UNC13C: variants seen among roughly 807,000 people sequenced by gnomAD.
The protein encoded by UNC13C is unc-13 homolog C, also known as protein unc-13 homolog C.
In UNC13C, 174 loss-of-function variants were observed where a neutral mutation model predicts 245.4. The observed-to-expected ratio is 0.71, with a 90% CI of 0.63 to 0.80. The LOEUF (loss-of-function observed/expected upper bound fraction) is 0.80, where lower values mean the gene tolerates loss of function less well. Among genes scored for constraint, UNC13C ranks in the 30% least tolerant of loss-of-function variants. The pLI, the probability that UNC13C is intolerant of heterozygous loss-of-function variation, is 0.00. For synonymous variants in UNC13C, 992 were observed against 895.1 expected, an observed-to-expected ratio of 1.11 and a Z score of -1.93; for missense variants, 2,829 against 2,602.9, an observed-to-expected ratio of 1.09 and a Z score of -1.89.
chr15:53,973,305 A>G (rs76232315), upstream of UNC13C, among the ~76,000 whole-genome samples: 2,749 of 152,280 alleles, frequency 0.018, 49 homozygotes, highest in South Asian at 0.059. Context: ...GATTATTGCT[A>G]GCTAATATTT....
intron 25 of UNC13C, among the ~76,000 whole-genome samples, chr15:54,531,559 C>T (rs1007146386): frequency 6.6e-6 from 1 of 151,892 alleles, no homozygotes; most frequent in Non-Finnish European, 1.5e-5. Flanking sequence ...GAAGGAGCAG[C>T]CTGTGAGGTC....
intron 19 of UNC13C, among the ~76,000 whole-genome samples, chr15:54,477,828 T>C (rs1892856367): frequency 6.7e-6 from 1 of 149,624 alleles, no homozygotes; most frequent in Non-Finnish European, 1.5e-5. Flanking sequence ...CCTCATAAAA[T>C]GAGTTAAGGA....
chr15:54,471,178 G>A (rs1032450131), intron 19 of UNC13C, among the ~76,000 whole-genome samples: 3 of 151,470 alleles, frequency 2.0e-5, no homozygotes, highest in African/African-American at 7.3e-5. Context: ...ATGTGCATTT[G>A]TTGCTGTTGG....
At position 54,307,431 on chromosome 15, in the gene UNC13C, T is replaced by C. The variant is rs187873887; in HGVS notation, c.4268+7058T>C. ...TCTCAACAGCCTCACCACTTAATACTACAACCTTGAGTCATAGGTTTCAAC... is the reference window on the plus strand; with the variant it reads ...TCTCAACAGCCTCACCACTTAATACCACAACCTTGAGTCATAGGTTTCAAC... On this transcript the variant is annotated intron_variant, in intron 13 of 32. Coordinates refer to ENST00000260323, the MANE Select transcript of UNC13C (RefSeq NM_001080534.3). Among the ~76,000 whole-genome samples, 3 of 152,078 alleles carry C rather than the reference T, an allele frequency of 2.0e-5. No individual in the cohort carries two copies. The East Asian group carries it at 5.9e-4, about 30-fold the overall frequency.
intron 18 of UNC13C, among the ~76,000 whole-genome samples, chr15:54,408,580 A>G (rs1384895763): frequency 6.6e-6 from 1 of 152,198 alleles, no homozygotes; most frequent in African/African-American, 2.4e-5. Context: ...ATATGATTAC[A>G]AAAATAATCT....
intron 2 of UNC13C, among the ~76,000 whole-genome samples, chr15:54,095,700 G>C (rs1337315113): frequency 1.3e-5 from 2 of 152,148 alleles, no homozygotes; most frequent in Non-Finnish European, 2.9e-5. Context: ...CTAGCTTAGA[G>C]TACTCGGACG....
intron 22 of UNC13C, among the ~76,000 whole-genome samples, chr15:54,505,082 G>C (rs1055042698): frequency 7.9e-5 from 12 of 152,160 alleles, no homozygotes; most frequent in Admixed American, 5.2e-4. Context: ...TTGAATAGCA[G>C]CTCTTTATAG....
At chr15:54,612,572 A>T (rs532404987) in intron 30 of UNC13C, among the ~76,000 whole-genome samples, 5 of 151,956 alleles carry the variant, frequency 3.3e-5, no homozygotes, top group Non-Finnish European at 7.4e-5. Context: ...TTTTTCCCCA[A>T]TAGTAAAAAC....
chr15:54,010,962 G>A (rs1458287458), intron 1 of UNC13C, among the ~76,000 whole-genome samples: 1 of 152,204 alleles, frequency 6.6e-6, no homozygotes, highest in African/African-American at 2.4e-5. Flanking sequence ...GAGATACTAA[G>A]TGGCTGAAAT....
intron 7 of UNC13C, among the ~76,000 whole-genome samples, chr15:54,243,437 A>G (rs2035912499): frequency 6.6e-6 from 1 of 152,188 alleles, no homozygotes; most frequent in Non-Finnish European, 1.5e-5. Flanking sequence ...ACAGTGCTGC[A>G]ATGAACATCT....
chr15:54,622,703 A>G (rs1900872496), intron 31 of UNC13C, among the ~76,000 whole-genome samples: 2 of 152,132 alleles, frequency 1.3e-5, no homozygotes, highest in Non-Finnish European at 2.9e-5. Flanking sequence ...TTCATTGAAC[A>G]CTTGCACTTT....
In UNC13C at chr15:54,525,590, T is replaced by C; in HGVS notation, c.5499T>C (p.Val1833=). 1 of 1,613,212 alleles carries C rather than the reference T, an allele frequency of 6.2e-7. No homozygotes were observed. Among genetic ancestry groups the C allele is most frequent in the African/African-American group, 1.3e-5 (1 of 75,036 alleles). ...GTACTATTCTAAAAGAACTTCAGGT[T>C]AAGCTCAGTGGGGTCCTGGATGAGC... ...EASTILKELQ[V]KLSGVLDELS... The change falls in exon 25 of 33, where the codon GTT becomes GTC. Residue 1833 remains valine (V), a synonymous_variant. Coordinates refer to ENST00000260323, the MANE Select transcript of UNC13C (RefSeq NM_001080534.3).
chr15:54,033,280 G>A (rs4471622), intron 2 of UNC13C, among the ~76,000 whole-genome samples: 3,287 of 152,068 alleles, frequency 0.022, 117 homozygotes, highest in South Asian at 0.12. Context: ...CCAATATTCT[G>A]ATAAAAAGCT....
intron 17 of UNC13C, among the ~76,000 whole-genome samples, chr15:54,343,479 G>A (rs1336041379): frequency 6.6e-6 from 1 of 152,132 alleles, no homozygotes; most frequent in Non-Finnish European, 1.5e-5. Flanking sequence ...ACCAGGTTCA[G>A]TTTCCTACTC....
At chr15:54,371,737 CAT>C (rs1172916044) in intron 17 of UNC13C, among the ~76,000 whole-genome samples, 6 of 146,670 alleles carry the variant, frequency 4.1e-5, no homozygotes, top group Non-Finnish European at 6.0e-5. Flanking sequence ...CACACACACA[CAT>C]ACCAGTGGAA....
At chr15:54,007,445 G>A (rs551209316) in intron 1 of UNC13C, among the ~76,000 whole-genome samples, 81 of 152,164 alleles carry the variant, frequency 5.3e-4, no homozygotes, top group Admixed American at 2.1e-3. Context: ...AAGGAATGAT[G>A]TCATGTTCTT....
At chr15:53,895,296 G>A in the UNC13C span, among the ~76,000 whole-genome samples, 7 of 147,576 alleles carry the variant, frequency 4.7e-5, no homozygotes, top group African/African-American at 1.0e-4. Context: ...CCCAGGAGTC[G>A]GAGGTTGCCA....
chr15:54,277,546 A>C (rs933460979), intron 10 of UNC13C, among the ~76,000 whole-genome samples: 4 of 152,190 alleles, frequency 2.6e-5, no homozygotes, highest in African/African-American at 9.6e-5. Context: ...TCATAGGTTT[A>C]TTACTTTATA....
intron 2 of UNC13C, among the ~76,000 whole-genome samples, chr15:54,113,045 A>G (rs888710410): frequency 6.6e-6 from 1 of 152,156 alleles, no homozygotes; most frequent in East Asian, 1.9e-4. Context: ...ATGTATCTTG[A>G]TAAATTGTGT....
Sources: gnomAD v4.1 joint callset for allele counts (sites outside exome capture counted in the v4.1 genomes callset) on GRCh38, gnomAD v4.1.1 for gene constraint, MANE v1.5 for transcripts, NCBI Gene and HGNC (gene_info 2026-07-23, HGNC 2026-07-21) for gene names.